GRIN2B: variants seen among roughly 807,000 people sequenced by gnomAD.
GRIN2B encodes glutamate ionotropic receptor NMDA type subunit 2B.
GRIN2B carries 5 observed loss-of-function variants against 114.5 expected under a neutral mutation model. That is an observed-to-expected ratio of 0.04 (90% CI 0.02 to 0.09). The LOEUF is 0.09. Ranked by LOEUF, GRIN2B falls within the 10% of genes least tolerant of loss-of-function variation. The probability of loss-of-function intolerance (pLI) is 1.00; values close to 1 mark genes in which losing one functional copy is unlikely to be tolerated. For missense variants in GRIN2B, 1,108 were observed against 1,943.5 expected (o/e 0.57, Z 8.08); for synonymous variants, 787 against 745.1 (o/e 1.06, Z -0.92).
chr12:13,627,223 G>A (rs867590467), intron 5 of GRIN2B, among the ~76,000 whole-genome samples: 40 of 152,234 alleles, frequency 2.6e-4, no homozygotes, highest in South Asian at 4.1e-4. Context: ...CCCGGTTTAT[G>A]GCTATTCTGG....
chr12:13,979,649 T>C (rs1165004253), intron 2 of GRIN2B, among the ~76,000 whole-genome samples: 1 of 152,012 alleles, frequency 6.6e-6, no homozygotes, highest in African/African-American at 2.4e-5. Flanking sequence ...TGTCTATAGA[T>C]ATAGATACAT....
chr12:13,565,679 T>C (rs962465460), intron 13 of GRIN2B, among the ~76,000 whole-genome samples: 4 of 152,144 alleles, frequency 2.6e-5, no homozygotes, highest in African/African-American at 9.7e-5. Flanking sequence ...AAGAGGTTGT[T>C]TGAATTGTGT....
intron 10 of GRIN2B, among the ~76,000 whole-genome samples, chr12:13,588,442 C>T (rs1475243904): frequency 2.0e-5 from 3 of 152,106 alleles, no homozygotes; most frequent in African/African-American, 7.2e-5. Flanking sequence ...CTCTTTAAAC[C>T]TGCTGTAGGC....
chr12:13,628,780 A>G (rs1949593998), intron 5 of GRIN2B, among the ~76,000 whole-genome samples: 1 of 152,214 alleles, frequency 6.6e-6, no homozygotes, highest in African/African-American at 2.4e-5. Context: ...TAATGACAAT[A>G]TTTTCCAGAC....
chr12:13,965,557 CCACA>C (rs138577851), intron 2 of GRIN2B, among the ~76,000 whole-genome samples: 15 of 150,278 alleles, frequency 1.0e-4, no homozygotes, highest in Middle Eastern at 3.4e-3. Flanking sequence ...AGATTACACA[CCACA>C]CACACACACA....
chr12:13,729,274 A>G (rs959070197), intron 4 of GRIN2B, among the ~76,000 whole-genome samples: 10 of 152,196 alleles, frequency 6.6e-5, no homozygotes, highest in African/African-American at 2.4e-4. Context: ...ACTATCAATC[A>G]TAACTCTTTA....
chr12:13,575,673 C>CAATAATAAT lies in GRIN2B; in HGVS notation c.2011-3718_2011-3710dup, dbSNP rs58985272. Among the ~76,000 whole-genome samples, 1,110 of 147,684 alleles carry CAATAATAAT rather than the reference C, an allele frequency of 7.5e-3. 15 individuals are homozygous for CAATAATAAT. Among genetic ancestry groups the CAATAATAAT allele is most frequent in the African/African-American group, 0.024 (955 of 39,762 alleles). On this transcript the variant is annotated intron_variant, in intron 10 of 13. Transcript: ENST00000609686. Reference sequence around the variant, plus strand: ...GACCCTGTCTCCAAAATGATAACAACAATAATAATAATAATAATAATAATC... The same window carrying CAATAATAAT: ...GACCCTGTCTCCAAAATGATAACAACAATAATAATAATAATAATAATAATAATAATAATC...
At chr12:13,636,546 G>C (rs973684290) in intron 5 of GRIN2B, among the ~76,000 whole-genome samples, 1 of 152,170 alleles carries the variant, frequency 6.6e-6, no homozygotes, top group Non-Finnish European at 1.5e-5. Context: ...GGAGTGTGAA[G>C]TGGCCACTTT....
intron 5 of GRIN2B, among the ~76,000 whole-genome samples, chr12:13,670,869 C>A (rs1038168458): frequency 1.4e-4 from 21 of 152,264 alleles, no homozygotes; most frequent in African/African-American, 4.8e-4. Flanking sequence ...CTTTGCTATT[C>A]TAGCCCCCTA....
At position 13,680,436 on chromosome 12, in the gene GRIN2B, TTGTGTGTGTG is replaced by T. The variant is rs56755720; in HGVS notation, c.1011-4587_1011-4578del. ...AAATCCCCTGGAAGTCCCATCAAGG[TTGTGTGTGTG>T]TGTGTGTGTGTGTGTGTGTGTGTGT... On this transcript the variant is annotated intron_variant, in intron 4 of 13. Transcript: ENST00000609686. 4.3e-3 allele frequency among the ~76,000 whole-genome samples: 530 copies of T among 123,570 alleles called. 4 individuals carry two copies. The highest frequency in any genetic ancestry group is 0.012 in the East Asian group (50 of 4,324). The allele number at this position is 123,570 out of a possible 152,430, so 81.1% of individuals were successfully genotyped here.
intron 3 of GRIN2B, among the ~76,000 whole-genome samples, chr12:13,821,272 C>T (rs766526161): frequency 2.0e-4 from 31 of 152,284 alleles, no homozygotes; most frequent in Admixed American, 4.6e-4. Flanking sequence ...GGCAGTCATC[C>T]TCATCCTCTG....
rs10626018 is a variant in GRIN2B at position 13,804,157 on chromosome 12, CT to C, written c.412-50243del. On this transcript the variant is annotated intron_variant, in intron 3 of 13. Coordinates refer to ENST00000609686, the MANE Select transcript of GRIN2B (RefSeq NM_000834.5). ...TGTACCTTGTCATTTCTGCAGCTCT[CT>C]TTTTTTTTTTTGTTAGTGAGATATT... Among the ~76,000 whole-genome samples, 291 of 143,376 alleles carry C rather than the reference CT, an allele frequency of 2.0e-3. 2 individuals carry two copies. Among genetic ancestry groups the C allele is most frequent in the East Asian group, 0.016 (81 of 4,922 alleles). 94.1% of individuals were successfully genotyped at this position (143,376 alleles called of 152,430 possible). A position where few individuals can be genotyped will look rare whatever the true frequency, so the allele number is the denominator to read the frequency against.
chr12:13,866,753 A>C (rs779527865), intron 2 of GRIN2B, among the ~76,000 whole-genome samples: 1 of 152,242 alleles, frequency 6.6e-6, no homozygotes, highest in Non-Finnish European at 1.5e-5. Context: ...GACAACAGCC[A>C]GAAAATTCTT....
At chr12:13,937,359 A>G (rs949213279) in intron 2 of GRIN2B, among the ~76,000 whole-genome samples, 4 of 152,078 alleles carry the variant, frequency 2.6e-5, no homozygotes, top group Non-Finnish European at 5.9e-5. Flanking sequence ...TAATTACATC[A>G]TGAACTTCTG....
At chr12:13,706,744 G>T (rs1950362960) in intron 4 of GRIN2B, among the ~76,000 whole-genome samples, 1 of 152,236 alleles carries the variant, frequency 6.6e-6, no homozygotes, top group South Asian at 2.1e-4. Flanking sequence ...TGTGAGTCCT[G>T]TTTGCCTCAG....
intron 2 of GRIN2B, among the ~76,000 whole-genome samples, chr12:13,948,202 T>A (rs1361666074): frequency 6.6e-6 from 1 of 152,092 alleles, no homozygotes; most frequent in Non-Finnish European, 1.5e-5. Context: ...TATAACCACA[T>A]TGCCTCACAG....
At chr12:13,874,945 G>A (rs914161783) in intron 2 of GRIN2B, among the ~76,000 whole-genome samples, 1 of 152,118 alleles carries the variant, frequency 6.6e-6, no homozygotes, top group Non-Finnish European at 1.5e-5. Context: ...CTGCACTAGA[G>A]GAGATTTAAA....
intron 3 of GRIN2B, among the ~76,000 whole-genome samples, chr12:13,801,517 G>T (rs1209964159): frequency 1.3e-5 from 2 of 152,118 alleles, no homozygotes; most frequent in Non-Finnish European, 2.9e-5. Context: ...TCCCAGTGGG[G>T]CCTGTAGAAA....
intron 10 of GRIN2B, among the ~76,000 whole-genome samples, chr12:13,594,314 C>T (rs1382597794): frequency 6.6e-6 from 1 of 152,140 alleles, no homozygotes; most frequent in African/African-American, 2.4e-5. Context: ...GAACATGTGG[C>T]ACATATATAC....
Sources: allele counts gnomAD v4.1 joint callset (sites outside exome capture counted in the v4.1 genomes callset), GRCh38; gene constraint gnomAD v4.1.1; transcripts MANE v1.5; gene names NCBI Gene and HGNC (gene_info 2026-07-23, HGNC 2026-07-21).